PRELID2: variants seen among roughly 807,000 people sequenced by gnomAD.
The protein encoded by PRELID2 is PRELI domain containing 2, also known as PRELI domain-containing protein 2.
In PRELID2, 25 loss-of-function variants were observed where a neutral mutation model predicts 28.4. The observed-to-expected ratio is 0.88, with a 90% CI of 0.64 to 1.23. The LOEUF is 1.23. Among genes scored for constraint, PRELID2 ranks in the 50% most tolerant of loss-of-function variants. The pLI is 0.00. For missense variants in PRELID2, 201 were observed against 214.4 expected (o/e 0.94, Z 0.39); for synonymous variants, 76 against 71.6 (o/e 1.06, Z -0.31).
At chr5:145,764,533 A>C (rs1163310068) in intron 6 of PRELID2, among the ~76,000 whole-genome samples, 3 of 152,236 alleles carry the variant, frequency 2.0e-5, no homozygotes, top group African/African-American at 7.2e-5. Flanking sequence ...TGGCCAATCA[A>C]CATGCCCCTT....
intron 1 of PRELID2, among the ~76,000 whole-genome samples, chr5:145,732,394 TA>T (rs1561562442): frequency 6.6e-6 from 1 of 152,204 alleles, no homozygotes; most frequent in African/African-American, 2.4e-5. Flanking sequence ...AGAGTTCATA[TA>T]GATCACTAGC....
chr5:145,409,620 A>G, the PRELID2 span, among the ~76,000 whole-genome samples: 1 of 152,118 alleles, frequency 6.6e-6, no homozygotes, highest in Non-Finnish European at 1.5e-5. Flanking sequence ...AGTTAAAAAA[A>G]GACAAAGAGA....
chr5:145,312,638 C>T, the PRELID2 span, among the ~76,000 whole-genome samples: 12 of 152,126 alleles, frequency 7.9e-5, no homozygotes, highest in Non-Finnish European at 1.3e-4. Context: ...GCTTATTTCA[C>T]TTAACATAAT....
chr5:145,692,503 T>G (rs916135477), intron 1 of PRELID2, among the ~76,000 whole-genome samples: 1 of 151,854 alleles, frequency 6.6e-6, no homozygotes, highest in Non-Finnish European at 1.5e-5. Context: ...ATCAGAAGAG[T>G]CTGAGTTGAC....
Position 145,823,072 on chromosome 5 carries a change from CT to C in PRELID2, c.133+4del. The C allele has an allele frequency of 6.8e-7, 1 of 1,481,260 alleles. No individual in the cohort carries two copies. The highest frequency in any genetic ancestry group is 9.4e-7 in the Non-Finnish European group (1 of 1,059,432). 91.8% of individuals were successfully genotyped at this position (1,481,260 alleles called of 1,614,324 possible). On this transcript the variant is annotated splice_donor_region_variant and intron_variant, in intron 2 of 6. Coordinates refer to ENST00000683046, the MANE Select transcript of PRELID2 (RefSeq NM_205846.3). ...ATTACTGAAAAAACTGTACAGAGAA[CT>C]TACCTCTTTTTTCCTCCATGATTTT...
At chr5:145,713,378 T>TTA (rs1016328459) in intron 1 of PRELID2, among the ~76,000 whole-genome samples, 2 of 114,366 alleles carry the variant, frequency 1.7e-5, no homozygotes, top group Non-Finnish European at 3.7e-5. Flanking sequence ...ATACTTTACA[T>TTA]TATATATATA....
intron 1 of PRELID2, among the ~76,000 whole-genome samples, chr5:145,641,390 C>A (rs1222659625): frequency 1.3e-5 from 2 of 152,000 alleles, no homozygotes; most frequent in Non-Finnish European, 2.9e-5. Flanking sequence ...AGATGGTAAA[C>A]TTTGTTAAGA....
intron 1 of PRELID2, among the ~76,000 whole-genome samples, chr5:145,616,904 C>T (rs1235177728): frequency 6.6e-6 from 1 of 152,050 alleles, no homozygotes; most frequent in Non-Finnish European, 1.5e-5. Context: ...TTCATCCCTA[C>T]AGCTTTGACC....
chr5:145,403,220 G>T, the PRELID2 span, among the ~76,000 whole-genome samples: 2 of 152,100 alleles, frequency 1.3e-5, no homozygotes, highest in Non-Finnish European at 2.9e-5. Flanking sequence ...ATAAGGAAAA[G>T]CCCATAGCTT....
chr5:145,441,493 C>T, the PRELID2 span, among the ~76,000 whole-genome samples: 1 of 152,094 alleles, frequency 6.6e-6, no homozygotes, highest in African/African-American at 2.4e-5. Flanking sequence ...GATTGTTTTG[C>T]TTCCTACAAC....
At chr5:145,556,197 A>G (rs1170932723) in intron 1 of PRELID2, among the ~76,000 whole-genome samples, 3 of 150,594 alleles carry the variant, frequency 2.0e-5, no homozygotes, top group Non-Finnish European at 4.4e-5. Context: ...AAAAAAAAAA[A>G]GAAAAGAAAA....
At chr5:145,536,677 C>T (rs1423196555) in intron 1 of PRELID2, among the ~76,000 whole-genome samples, 2 of 151,964 alleles carry the variant, frequency 1.3e-5, no homozygotes, top group African/African-American at 4.8e-5. Context: ...TAGTTCAAGG[C>T]AGTTAACTTA....
chr5:145,691,930 C>T (rs578240733), intron 1 of PRELID2, among the ~76,000 whole-genome samples: 1 of 152,176 alleles, frequency 6.6e-6, no homozygotes, highest in Admixed American at 6.5e-5. Flanking sequence ...TGCCTCTGTG[C>T]CTTTGACCAC....
the PRELID2 span, among the ~76,000 whole-genome samples, chr5:145,385,266 C>T: frequency 1.2e-4 from 18 of 152,024 alleles, no homozygotes; most frequent in Non-Finnish European, 2.4e-4. Context: ...GTTCCTTTCC[C>T]GAAGGACTTT....
intron 1 of PRELID2, among the ~76,000 whole-genome samples, chr5:145,481,500 A>C (rs1580953094): frequency 6.6e-6 from 1 of 151,822 alleles, no homozygotes; most frequent in East Asian, 1.9e-4. Context: ...GATAAAATGG[A>C]TTCTAATAAT....
intron 1 of PRELID2, among the ~76,000 whole-genome samples, chr5:145,742,629 T>C (rs1440397468): frequency 1.3e-5 from 2 of 149,616 alleles, no homozygotes; most frequent in South Asian, 2.1e-4. Context: ...TATAGCACTA[T>C]ATGCATACAT....
the PRELID2 span, among the ~76,000 whole-genome samples, chr5:145,289,985 A>G: frequency 6.6e-6 from 1 of 152,184 alleles, no homozygotes; most frequent in African/African-American, 2.4e-5. Flanking sequence ...TGCAGCCAGC[A>G]GACACATGAA....
At chr5:145,450,255 G>C in the PRELID2 span, among the ~76,000 whole-genome samples, 1 of 152,120 alleles carries the variant, frequency 6.6e-6, no homozygotes, top group Non-Finnish European at 1.5e-5. Flanking sequence ...AGAATTTCCA[G>C]AAATTGATAA....
the PRELID2 span, among the ~76,000 whole-genome samples, chr5:145,311,058 G>A: frequency 1.3e-5 from 2 of 152,036 alleles, no homozygotes; most frequent in East Asian, 1.9e-4. Flanking sequence ...AAGTAAAATC[G>A]GGCCAGATGA....
Sources: gnomAD v4.1 joint callset for allele counts (sites outside exome capture counted in the v4.1 genomes callset) on GRCh38, gnomAD v4.1.1 for gene constraint, MANE v1.5 for transcripts, NCBI Gene and HGNC (gene_info 2026-07-23, HGNC 2026-07-21) for gene names.